Variants in ROBO2 observed in about 807,000 individuals in gnomAD.
The protein encoded by ROBO2 is roundabout homolog 2.
A neutral mutation model predicts 160.8 loss-of-function variants in ROBO2; 53 were observed. That is an observed-to-expected ratio of 0.33 (90% confidence interval 0.26 to 0.41). The LOEUF is 0.41. Ranked by LOEUF, ROBO2 falls within the 10% of genes least tolerant of loss-of-function variation. ROBO2 has a pLI of 1.00. For synonymous variants in ROBO2, 664 were observed against 611.7 expected, an observed-to-expected ratio of 1.09 and a Z score of -1.26; for missense variants, 1,577 against 1,722.4, an observed-to-expected ratio of 0.92 and a Z score of 1.49.
chr3:77,324,871 A>G (rs946135832), intron 2 of ROBO2, among the ~76,000 whole-genome samples: 6 of 140,454 alleles, frequency 4.3e-5, no homozygotes, highest in African/African-American at 2.0e-4. Context: ...TGTAATTCTT[A>G]AAATTAAACA....
intron 2 of ROBO2, among the ~76,000 whole-genome samples, chr3:75,939,552 G>A (rs1947947072): frequency 6.6e-6 from 1 of 152,054 alleles, no homozygotes; most frequent in Non-Finnish European, 1.5e-5. Context: ...AATTAAAATA[G>A]ACAATGATTC....
intron 1 of ROBO2, among the ~76,000 whole-genome samples, chr3:75,918,756 T>C (rs1230890303): frequency 3.3e-5 from 5 of 152,192 alleles, no homozygotes; most frequent in Non-Finnish European, 5.9e-5. Flanking sequence ...ACATCCCTCG[T>C]AGGTTGTATT....
chr3:75,919,137 C>A (rs1946926724), intron 1 of ROBO2, among the ~76,000 whole-genome samples: 2 of 152,098 alleles, frequency 1.3e-5, no homozygotes, highest in African/African-American at 4.8e-5. Flanking sequence ...GGAATGCTTC[C>A]AGCTTTTGGC....
chr3:77,625,523 G>C (rs59099229), intron 23 of ROBO2, among the ~76,000 whole-genome samples: 23 of 151,710 alleles, frequency 1.5e-4, no homozygotes, highest in African/African-American at 5.6e-4. Flanking sequence ...GACTACAGAC[G>C]CCCACCACCA....
rs552915761 is a variant in ROBO2, at chr3:77,601,340, G to C, written c.2855-870G>C. On this transcript the variant is annotated intron_variant, in intron 19 of 25. Transcript: ENST00000461745. ...ACAGGATTAAAAACAGTGTTATTTA[G>C]TGATTTCTATTTTAGATTCACTTAG... Among the ~76,000 whole-genome samples, 3 of 152,218 alleles carry C rather than the reference G, an allele frequency of 2.0e-5. No individual in the cohort carries two copies. The East Asian group carries it at 5.8e-4, about 29-fold the overall frequency.
chr3:76,512,333 T>C (rs954429085), intron 2 of ROBO2, among the ~76,000 whole-genome samples: 2 of 149,020 alleles, frequency 1.3e-5, no homozygotes, highest in African/African-American at 4.9e-5. Context: ...TATATATATA[T>C]ATATAGTGTA....
chr3:77,607,713 T>G, intron 20 of ROBO2, 85 bp from the exon 22 acceptor site: 26 of 1,254,166 alleles, frequency 2.1e-5, no homozygotes, highest in Non-Finnish European at 2.8e-5. Flanking sequence ...TCTGGTGTTT[T>G]GAAACATAAA....
At chr3:77,607,342 C>T (rs1419483193) in intron 20 of ROBO2, among the ~76,000 whole-genome samples, 3 of 151,932 alleles carry the variant, frequency 2.0e-5, no homozygotes, top group Admixed American at 2.0e-4. Flanking sequence ...AAATTGTTAC[C>T]CTTCCTGGAT....
intron 2 of ROBO2, among the ~76,000 whole-genome samples, chr3:76,191,365 A>G (rs557768785): frequency 6.7e-4 from 102 of 152,222 alleles, no homozygotes; most frequent in African/African-American, 2.3e-3. Context: ...CAGCTGACCT[A>G]CACCAGGTAA....
At chr3:76,223,704 C>G (rs72630381) in intron 2 of ROBO2, among the ~76,000 whole-genome samples, 24,282 of 152,026 alleles carry the variant, frequency 0.16, 2,403 homozygotes, top group African/African-American at 0.26. Flanking sequence ...ATCAGCCCTT[C>G]CGCTACAGGA....
intron 5 of ROBO2, among the ~76,000 whole-genome samples, chr3:77,495,624 G>GT (rs1158338721): frequency 6.6e-6 from 1 of 152,156 alleles, no homozygotes; most frequent in Non-Finnish European, 1.5e-5. Context: ...TGCTGGCCAG[G>GT]TATGCTATCG....
chr3:77,106,420 G>T (rs2072806925), intron 2 of ROBO2, among the ~76,000 whole-genome samples: 1 of 104,564 alleles, frequency 9.6e-6, no homozygotes, highest in Non-Finnish European at 2.1e-5. Flanking sequence ...ATGTAGGTAG[G>T]TTGACATTAG....
intron 2 of ROBO2, among the ~76,000 whole-genome samples, chr3:76,316,388 T>C (rs1346651891): frequency 3.9e-5 from 6 of 152,156 alleles, no homozygotes; most frequent in Non-Finnish European, 8.8e-5. Context: ...AGGAGAAGAA[T>C]TTAGTGATAT....
intron 2 of ROBO2, among the ~76,000 whole-genome samples, chr3:77,431,553 G>T (rs867767776): frequency 2.0e-5 from 3 of 152,050 alleles, no homozygotes; most frequent in Middle Eastern, 3.2e-3. Flanking sequence ...TGCACATTAT[G>T]CCTGAAATGA....
intron 2 of ROBO2, among the ~76,000 whole-genome samples, chr3:76,744,157 C>T (rs1341936149): frequency 6.6e-6 from 1 of 152,046 alleles, no homozygotes; most frequent in African/African-American, 2.4e-5. Context: ...TTTTCTAGAG[C>T]TATCATAACA....
intron 2 of ROBO2, among the ~76,000 whole-genome samples, chr3:76,520,213 G>A (rs767513107): frequency 1.1e-4 from 16 of 152,124 alleles, no homozygotes; most frequent in Non-Finnish European, 2.1e-4. Context: ...CACTTTTGGA[G>A]GCCGAGGCAG....
chr3:77,080,349 A>C (rs1217889027), intron 1 of ROBO2, among the ~76,000 whole-genome samples: 1 of 152,172 alleles, frequency 6.6e-6, no homozygotes, highest in Non-Finnish European at 1.5e-5. Flanking sequence ...CTGAAGATTT[A>C]AGTGATTAGA....
chr3:76,919,659 TCTTG>T (rs2076543633), intron 2 of ROBO2, among the ~76,000 whole-genome samples: 2 of 152,178 alleles, frequency 1.3e-5, no homozygotes, highest in South Asian at 4.1e-4. Context: ...AATATTATCT[TCTTG>T]CTTAATGATT....
chr3:77,073,570 C>G (rs1262586006), intron 1 of ROBO2, among the ~76,000 whole-genome samples: 6 of 152,252 alleles, frequency 3.9e-5, no homozygotes, highest in African/African-American at 1.4e-4. Flanking sequence ...TTGCAGTAAA[C>G]CTAAGCATTT....
Sources: gnomAD v4.1 joint callset for allele counts (sites outside exome capture counted in the v4.1 genomes callset) on GRCh38, gnomAD v4.1.1 for gene constraint, MANE v1.5 for transcripts, NCBI Gene and HGNC (gene_info 2026-07-23, HGNC 2026-07-21) for gene names.